LRRC3B: variants seen among roughly 807,000 people sequenced by gnomAD.
The protein encoded by LRRC3B is leucine rich repeat containing 3B, also known as leucine-rich repeat-containing protein 3B.
Under a neutral mutation model 12.8 loss-of-function variants are expected in LRRC3B, and 2 were observed. The ratio of observed to expected loss-of-function variants is 0.16; its 90% CI spans 0.06 to 0.49. The LOEUF (loss-of-function observed/expected upper bound fraction) is 0.49, where lower values mean the gene tolerates loss of function less well. Among genes scored for constraint, LRRC3B ranks in the 20% least tolerant of loss-of-function variants. LRRC3B has a pLI of 0.96. For synonymous variants in LRRC3B, 132 were observed against 122.0 expected, an observed-to-expected ratio of 1.08 and a Z score of -0.54; for missense variants, 189 against 319.4, an observed-to-expected ratio of 0.59 and a Z score of 3.11.
chr3:26,707,758 C>G (rs777848580), intron 1 of LRRC3B, among the ~76,000 whole-genome samples: 2 of 121,958 alleles, frequency 1.6e-5, no homozygotes, highest in Non-Finnish European at 3.3e-5. Context: ...TCTGTCTCCT[C>G]TCTTCCCTTC....
chr3:26,640,427 A>C (rs1575118402), intron 1 of LRRC3B, among the ~76,000 whole-genome samples: 1 of 5,916 alleles, frequency 1.7e-4, no homozygotes, highest in South Asian at 4.9e-3. Context: ...CTTATAAACT[A>C]AAAAAAAAAA....
At position 26,644,320 on chromosome 3, in the gene LRRC3B, T is replaced by C. The variant is rs544799468; in HGVS notation, c.-161+21083T>C. On this transcript the variant is annotated intron_variant, in intron 1 of 1. Coordinates refer to ENST00000396641, the Ensembl canonical transcript of LRRC3B. ...AAGAGGAGATTGCCTTAGCAGGTAA[T>C]ACCCAGTACCTATGTCAGAAGTGTT... Among the ~76,000 whole-genome samples the C allele has an allele frequency of 2.6e-5, 4 of 152,356 alleles. No homozygotes were observed. The East Asian group carries it at 7.7e-4, about 29-fold the overall frequency.
intron 1 of LRRC3B, among the ~76,000 whole-genome samples, chr3:26,685,657 C>CAAATATT (rs76267290): frequency 7.0e-6 from 1 of 143,528 alleles, no homozygotes. Flanking sequence ...TTTTTAAAAA[C>CAAATATT]TACTATTACT....
chr3:26,705,497 C>T (rs1189189216), intron 1 of LRRC3B, among the ~76,000 whole-genome samples: 5 of 151,972 alleles, frequency 3.3e-5, no homozygotes, highest in African/African-American at 1.2e-4. Flanking sequence ...GTCTTATTCC[C>T]TATCAGAAAG....
At chr3:26,689,749 T>C (rs1700152996) in intron 1 of LRRC3B, among the ~76,000 whole-genome samples, 1 of 152,208 alleles carries the variant, frequency 6.6e-6, no homozygotes, top group Admixed American at 6.5e-5. Context: ...CATCCAGATC[T>C]TCATTGAGCA....
chr3:26,628,994 G>A (rs1363432398), intron 1 of LRRC3B, among the ~76,000 whole-genome samples: 1 of 152,092 alleles, frequency 6.6e-6, no homozygotes, highest in South Asian at 2.1e-4. Context: ...CTTGTCCAGT[G>A]CAAATGTCAC....
At chr3:26,708,834 G>A (rs1364327813) in intron 1 of LRRC3B, among the ~76,000 whole-genome samples, 1 of 152,048 alleles carries the variant, frequency 6.6e-6, no homozygotes, top group Non-Finnish European at 1.5e-5. Flanking sequence ...TATTGGGAAG[G>A]GGATATGGTC....
chr3:26,680,677 G>T (rs1699952993), intron 1 of LRRC3B, among the ~76,000 whole-genome samples: 1 of 152,072 alleles, frequency 6.6e-6, no homozygotes, highest in Non-Finnish European at 1.5e-5. Flanking sequence ...AATATCATAA[G>T]CCTGTGCATA....
chr3:26,629,291 C>T (rs980421676), intron 1 of LRRC3B, among the ~76,000 whole-genome samples: 21 of 148,700 alleles, frequency 1.4e-4, no homozygotes, highest in African/African-American at 5.0e-4. Flanking sequence ...AATTTTAGGT[C>T]ATTGATAGAA....
intron 1 of LRRC3B, among the ~76,000 whole-genome samples, chr3:26,692,233 G>A (rs1383826071): frequency 6.6e-6 from 1 of 152,170 alleles, no homozygotes; most frequent in Non-Finnish European, 1.5e-5. Flanking sequence ...TTTTACAGGT[G>A]GAGAAACTGA....
At chr3:26,691,387 C>T (rs948097816) in intron 1 of LRRC3B, among the ~76,000 whole-genome samples, 1 of 151,808 alleles carries the variant, frequency 6.6e-6, no homozygotes, top group South Asian at 2.1e-4. Flanking sequence ...TGATGAGATT[C>T]ACAAGAGCAA....
chr3:26,671,365 T>TAGAGAGAGAGAG lies in LRRC3B; in HGVS notation c.-160-38147_-160-38146insGAGAGAGAGAGA, dbSNP rs1466620108. Among the ~76,000 whole-genome samples the TAGAGAGAGAGAG allele has an allele frequency of 1.8e-4, 8 of 43,452 alleles. 1 individual carries two copies. The highest frequency in any genetic ancestry group is 7.4e-4 in the Admixed American group (2 of 2,704). The allele number at this position is 43,452 out of a possible 152,430, so 28.5% of individuals were successfully genotyped here. ...ATATATGTGTGTATATATATATATA[T>TAGAGAGAGAGAG]ATATATATAGAGAGAGAGAGAGAGA... On this transcript the variant is annotated intron_variant, in intron 1 of 1. Transcript: ENST00000396641.
intron 1 of LRRC3B, among the ~76,000 whole-genome samples, chr3:26,696,908 A>G (rs1166256672): frequency 1.3e-5 from 2 of 152,172 alleles, no homozygotes; most frequent in African/African-American, 4.8e-5. Context: ...TTTTTTGAAA[A>G]TGATAAAATT....
chr3:26,710,029 C>T (rs764042224), exon 2 of LRRC3B: 52 of 1,614,014 alleles, frequency 3.2e-5, no homozygotes, highest in Non-Finnish European at 4.2e-5. Context: ...AGACTCTGGA[C>T]TTGTCCGACA....
intron 1 of LRRC3B, chr3:26,624,790 C>CAGGCAGATGCATATGGCA (rs1698587282): frequency 2.0e-5 from 3 of 152,330 alleles, no homozygotes; most frequent in Non-Finnish European, 4.4e-5. Context: ...CTTGTGGCTC[C>CAGGCAGATGCATATGGCA]AGATGCTCTG....
chr3:26,710,234 G>A (rs1700716973), exon 2 of LRRC3B: 1 of 1,613,670 alleles, frequency 6.2e-7, no homozygotes, highest in East Asian at 2.2e-5. Flanking sequence ...ATTCCTCAAT[G>A]CTGCCAACGA....
intron 1 of LRRC3B, among the ~76,000 whole-genome samples, chr3:26,680,895 T>C (rs1219004489): frequency 6.6e-6 from 1 of 152,236 alleles, no homozygotes; most frequent in African/African-American, 2.4e-5. Context: ...GAAGGTGTTA[T>C]CATTCCTATA....
In LRRC3B at chr3:26,647,799, A is replaced by G. The variant is rs754743231; in HGVS notation, c.-161+24562A>G. ...AAAGAATTTGCAGGTGTAAACTTCA[A>G]TCCCATGGAGTACACAGAGCATGCC... is the stretch of plus-strand genomic sequence containing the variant. On this transcript the variant is annotated intron_variant, in intron 1 of 1. Transcript: ENST00000396641. Among the ~76,000 whole-genome samples, 8 of 152,302 alleles carry G rather than the reference A, an allele frequency of 5.3e-5. No homozygotes were observed. In the East Asian group the frequency reaches 1.4e-3, roughly 26 times the overall value.
At chr3:26,706,874 T>C (rs1360742700) in intron 1 of LRRC3B, among the ~76,000 whole-genome samples, 2 of 152,210 alleles carry the variant, frequency 1.3e-5, no homozygotes, top group Admixed American at 1.3e-4. Context: ...AAAATATTTA[T>C]AAAAATAATT....
Sources: allele counts gnomAD v4.1 joint callset (sites outside exome capture counted in the v4.1 genomes callset), GRCh38; gene constraint gnomAD v4.1.1; transcripts MANE v1.5; gene names NCBI Gene and HGNC (gene_info 2026-07-23, HGNC 2026-07-21).